STAR: variants seen among roughly 807,000 people sequenced by gnomAD.
The protein encoded by STAR is steroidogenic acute regulatory protein, mitochondrial.
A neutral mutation model predicts 32.3 loss-of-function variants in STAR; 32 were observed. The ratio of observed to expected loss-of-function variants is 0.99; its 90% CI spans 0.75 to 1.33. The LOEUF (loss-of-function observed/expected upper bound fraction) is 1.33, where lower values mean the gene tolerates loss of function less well. STAR is among the 40% of genes most tolerant of loss of function. The probability of loss-of-function intolerance (pLI) is 0.00; values close to 1 mark genes in which losing one functional copy is unlikely to be tolerated. For missense variants in STAR, 375 were observed against 379.0 expected (o/e 0.99, Z 0.09); for synonymous variants, 134 against 140.5 (o/e 0.95, Z 0.33).
At chr8:38,148,973 G>A (rs1802624676) in intron 1 of STAR, 2 of 568,296 alleles carry the variant, frequency 3.5e-6, no homozygotes, top group Non-Finnish European at 6.3e-6. Flanking sequence ...ATCTGGGGTG[G>A]TCAGGCCTGG....
intron 6 of STAR, chr8:38,144,688 AATG>A: frequency 1.7e-6 from 2 of 1,180,694 alleles, no homozygotes; most frequent in Non-Finnish European, 2.2e-6. Flanking sequence ...TTCTTTCTAA[AATG>A]ATAACTACAT....
At position 38,145,989 on chromosome 8, in the gene STAR, G is replaced by A. The variant is rs1440860000; in HGVS notation, c.624C>T (p.Asn208=). Residue 208 remains asparagine (N), a synonymous_variant, in exon 5 of 7, where the codon AAC becomes AAT. Transcript: ENST00000276449. ...TGATGACACCCTTCTGCTCAGGCAT[G>A]TTCCCGAAGTCTGTGGCCATGCCAG... ...VLAGMATDFG[N]MPEQKGVIRA... is the part of the protein sequence containing the mutation. 3 of 1,614,176 alleles carry A rather than the reference G, an allele frequency of 1.9e-6. No homozygotes were observed. The highest frequency in any genetic ancestry group is 2.5e-6 in the Non-Finnish European group (3 of 1,180,042).
rs527342015 is a variant in STAR at position 38,143,392 on chromosome 8, C to T, written c.*881G>A. Among the ~76,000 whole-genome samples, 2 of 151,848 alleles carry T rather than the reference C, an allele frequency of 1.3e-5. No homozygotes were observed. The highest frequency in any genetic ancestry group is 6.6e-5 in the Admixed American group (1 of 15,240). ...CACAATCTCGGCCCACTACAACCTCCGCCTCCGGGGTTCAAGTGATTCCCC... is the reference window on the plus strand; with the variant it reads ...CACAATCTCGGCCCACTACAACCTCTGCCTCCGGGGTTCAAGTGATTCCCC... On this transcript the variant is annotated 3_prime_UTR_variant, in exon 7 of 7. Transcript: ENST00000276449.
intron 6 of STAR, 65 bp from the exon 7 acceptor site, chr8:38,144,451 C>G: frequency 6.5e-7 from 1 of 1,546,856 alleles, no homozygotes; most frequent in Non-Finnish European, 8.7e-7. Context: ...ACACTGCACC[C>G]TATCACAAAC....
At chr8:38,146,898 T>TA (rs1044977533) in intron 3 of STAR, among the ~76,000 whole-genome samples, 10 of 151,878 alleles carry the variant, frequency 6.6e-5, no homozygotes, top group African/African-American at 2.2e-4. Flanking sequence ...TGTCCTAAGA[T>TA]AGAGTCGGTA....
chr8:38,148,504 C>T, intron 2 of STAR, 137 bp downstream of exon 2: 1 of 1,340,562 alleles, frequency 7.5e-7, no homozygotes, highest in South Asian at 1.2e-5. Context: ...GGGATCTGGC[C>T]TTGAGGAACT....
At position 38,145,985 on chromosome 8, in the gene STAR, G is replaced by C; in HGVS notation, c.628C>G (p.Pro210Ala). The C allele has an allele frequency of 6.2e-7, 1 of 1,614,144 alleles. No homozygotes were observed. The highest frequency in any genetic ancestry group is 8.5e-7 in the Non-Finnish European group (1 of 1,180,040). ...AGMATDFGNM[P>A]EQKGVIRAEH... ...TACCTGATGACACCCTTCTGCTCAG[G>C]CATGTTCCCGAAGTCTGTGGCCATG... Residue 210 changes from proline (P) to alanine (A), a missense_variant, in exon 5 of 7, where the codon CCT becomes GCT. Physicochemically the swap from Pro to Ala is conservative, Grantham distance 27. Transcript: ENST00000276449.
chr8:38,146,149 T>C lies in STAR; in HGVS notation c.466-2A>G, dbSNP rs1398407275. 6.2e-7 allele frequency: 1 copy of C among 1,613,878 alleles called. No individual in the cohort carries two copies. The highest frequency in any genetic ancestry group is 1.7e-5 in the Admixed American group (1 of 59,966). ...ATCTTTTCCGATCTTCTGCAGGACC[T>C]ACCAGGCCATGGGGAACCAGAATCA... On this transcript the variant is annotated splice_acceptor_variant, in intron 4 of 6. Coordinates refer to ENST00000276449, the MANE Select transcript of STAR (RefSeq NM_000349.3). LOFTEE classifies it high-confidence loss of function.
intron 1 of STAR, among the ~76,000 whole-genome samples, chr8:38,149,562 C>CT (rs1256703454): frequency 1.3e-5 from 2 of 152,144 alleles, no homozygotes; most frequent in African/African-American, 2.4e-5. Context: ...TCTTCTCCGT[C>CT]TTTTTTTGCC....
chr8:38,149,324 G>C (rs779052874), intron 1 of STAR, among the ~76,000 whole-genome samples: 1 of 152,164 alleles, frequency 6.6e-6, no homozygotes, highest in Non-Finnish European at 1.5e-5. Flanking sequence ...ATGGCTTCTC[G>C]CTCTAAAGGT....
In STAR at chr8:38,143,398, C is replaced by T. The variant is rs190975625; in HGVS notation, c.*875G>A. Among the ~76,000 whole-genome samples the T allele has an allele frequency of 2.6e-5, 4 of 151,886 alleles. No homozygotes were observed. Among genetic ancestry groups the T allele is most frequent in the African/African-American group, 9.7e-5 (4 of 41,448 alleles). The stretch of plus-strand genomic sequence containing the variant: ...CTCGGCCCACTACAACCTCCGCCTC[C>T]GGGGTTCAAGTGATTCCCCTGCCTC... On this transcript the variant is annotated 3_prime_UTR_variant, in exon 7 of 7. Transcript: ENST00000276449.
chr8:38,145,046 C>A, intron 6 of STAR, 176 bp downstream of exon 6: 3 of 1,424,378 alleles, frequency 2.1e-6, no homozygotes, highest in Non-Finnish European at 1.8e-6. Flanking sequence ...GGGGCCATCA[C>A]AGGCTTTGGA....
intron 6 of STAR, chr8:38,144,903 G>T: frequency 1.2e-6 from 1 of 846,948 alleles, no homozygotes; most frequent in Non-Finnish European, 1.6e-6. Context: ...CAGCTACTCA[G>T]GAGGCTGAGG....
At position 38,144,138 on chromosome 8, in the gene STAR, T is replaced by G. The variant is rs1238098093; in HGVS notation, c.*135A>C. 9 of 894,530 alleles carry G rather than the reference T, an allele frequency of 1.0e-5. No homozygotes were observed. The East Asian group carries it at 2.2e-4, about 21-fold the overall frequency. 55.4% of individuals were successfully genotyped at this position (894,530 alleles called of 1,614,324 possible). A position where few individuals can be genotyped will look rare whatever the true frequency, so the allele number is the denominator to read the frequency against. On this transcript the variant is annotated 3_prime_UTR_variant, in exon 7 of 7. Coordinates refer to ENST00000276449, the MANE Select transcript of STAR (RefSeq NM_000349.3). ...TTCACCAATCTGAATCCTAGTGTCATACTCTAAACACGAACCCCACCCATC... is the reference window on the plus strand; with the variant it reads ...TTCACCAATCTGAATCCTAGTGTCAGACTCTAAACACGAACCCCACCCATC...
intron 1 of STAR, among the ~76,000 whole-genome samples, chr8:38,149,856 C>T (rs1326229051): frequency 6.6e-6 from 1 of 152,122 alleles, no homozygotes; most frequent in Non-Finnish European, 1.5e-5. Flanking sequence ...ATAGGCTGAG[C>T]GCCATGGCTC....
rs35602052 is a variant in STAR, at chr8:38,146,215, G to T, written c.466-68C>A. 30,606 of 1,613,434 alleles carry T rather than the reference G, an allele frequency of 0.019. 2,219 individuals are homozygous for T. In the East Asian group the frequency reaches 0.25, roughly 13 times the overall value. On this transcript the variant is annotated intron_variant, in intron 4 of 6. Coordinates refer to ENST00000276449, the MANE Select transcript of STAR (RefSeq NM_000349.3). ...TGGGCTAAGCACCCCCCACAGCTAG[G>T]GGTCCTCTCTTTGATACAGCATTCA...
chr8:38,145,038 GGCC>G, intron 6 of STAR, 181 bp downstream of exon 6: 1 of 1,426,546 alleles, frequency 7.0e-7, no homozygotes, highest in Admixed American at 2.8e-5. Context: ...AAGAAGAGGG[GGCC>G]ATCACAGGCT....
chr8:38,144,034 C>G lies in STAR; in HGVS notation c.*239G>C. The G allele has an allele frequency of 2.0e-6, 1 of 488,866 alleles. No individual in the cohort carries two copies. Among genetic ancestry groups the G allele is most frequent in the Middle Eastern group, 6.0e-4 (1 of 1,656 alleles). 30.3% of individuals were successfully genotyped at this position (488,866 alleles called of 1,614,324 possible). ...TACAATTATTTTAGGGGCCTGAACC[C>G]TCATGTCATAGCTAATCAGTGAATG... is the stretch of plus-strand genomic sequence containing the variant. On this transcript the variant is annotated 3_prime_UTR_variant, in exon 7 of 7. Transcript: ENST00000276449.
In STAR at chr8:38,144,288, A is replaced by G. The variant is rs774054200; in HGVS notation, c.843T>C (p.Ser281=). 4 of 1,609,740 alleles carry G rather than the reference A, an allele frequency of 2.5e-6. No homozygotes were observed. The highest frequency in any genetic ancestry group is 1.7e-6 in the Non-Finnish European group (2 of 1,178,106). ...AGGCTGGTCTTCAACACCTGGCTTC[A>G]GAGGCAGGGTGGGACTCCAGGCGCT... ...LRKRLESHPA[S]EARC The change falls in exon 7 of 7, where the codon TCT becomes TCC. Residue 281 remains serine (S), a synonymous_variant. Coordinates refer to ENST00000276449, the MANE Select transcript of STAR (RefSeq NM_000349.3).
Sources: allele counts gnomAD v4.1 joint callset (sites outside exome capture counted in the v4.1 genomes callset), GRCh38; gene constraint gnomAD v4.1.1; transcripts MANE v1.5; gene names NCBI Gene and HGNC (gene_info 2026-07-23, HGNC 2026-07-21).